Variants in C10orf67 observed in about 807,000 individuals in gnomAD.
C10orf67 encodes the protein chromosome 10 open reading frame 67, also known as uncharacterized protein C10orf67, mitochondrial.
C10orf67 carries 60 observed loss-of-function variants against 35.6 expected under a neutral mutation model. The ratio of observed to expected loss-of-function variants is 1.68; its 90% CI spans 1.37 to 2.09. The LOEUF (loss-of-function observed/expected upper bound fraction) is 2.09, where lower values mean the gene tolerates loss of function less well. Ranked by LOEUF, C10orf67 falls within the 30% of genes most tolerant of loss-of-function variation. The pLI, the probability that C10orf67 is intolerant of heterozygous loss-of-function variation, is 0.00. For synonymous variants in C10orf67, 167 were observed against 115.8 expected (o/e 1.44, Z -2.84); for missense variants, 474 against 330.2 (o/e 1.44, Z -3.38).
chr10:23,249,038 G>A (rs1842381672), intron 12 of C10orf67, among the ~76,000 whole-genome samples: 1 of 145,736 alleles, frequency 6.9e-6, no homozygotes, highest in Admixed American at 7.1e-5. Flanking sequence ...GCTGTGGCTG[G>A]AGAATCGCTT....
intron 10 of C10orf67, among the ~76,000 whole-genome samples, chr10:23,251,761 T>C (rs1050054773): frequency 7.9e-5 from 12 of 152,222 alleles, no homozygotes; most frequent in African/African-American, 1.2e-4. Context: ...TTTTCATCTT[T>C]TTTTCTTTTC....
rs547940537 is a variant in C10orf67 at position 23,331,117 on chromosome 10, G to T, written c.327+1945C>A. On this transcript the variant is annotated intron_variant, in intron 2 of 15. Transcript: ENST00000636213. ...GGGGAGGGGACTGGGACGGGAACCA[G>T]GACAGGAAGGGAGAGGAACCGAGAC... Among the ~76,000 whole-genome samples, 18 of 93,890 alleles carry T rather than the reference G, an allele frequency of 1.9e-4. 1 individual carries two copies. The highest frequency in any genetic ancestry group is 4.3e-4 in the Non-Finnish European group (17 of 39,930). The allele number at this position is 93,890 out of a possible 152,430, so 61.6% of individuals were successfully genotyped here.
At chr10:23,302,068 C>T (rs1362798099) in intron 5 of C10orf67, among the ~76,000 whole-genome samples, 2 of 152,106 alleles carry the variant, frequency 1.3e-5, no homozygotes, top group Non-Finnish European at 1.5e-5. Context: ...GTAACAAACA[C>T]GGACCAGAAG....
chr10:23,302,608 C>G (rs1844120352), intron 5 of C10orf67, among the ~76,000 whole-genome samples: 1 of 152,234 alleles, frequency 6.6e-6, no homozygotes, highest in African/African-American at 2.4e-5. Flanking sequence ...ATAAAATCCT[C>G]TCCAGCTCTG....
chr10:23,276,351 A>G (rs1315663998), intron 8 of C10orf67, among the ~76,000 whole-genome samples: 1 of 151,686 alleles, frequency 6.6e-6, no homozygotes, highest in Non-Finnish European at 1.5e-5. Context: ...GACCTGCAGG[A>G]CTCCTATTCA....
At chr10:23,334,679 G>A (rs371866546) in intron 1 of C10orf67, among the ~76,000 whole-genome samples, 6 of 152,354 alleles carry the variant, frequency 3.9e-5, no homozygotes, top group Admixed American at 6.5e-5. Flanking sequence ...GTCCAGGGAC[G>A]GGTGTAGAAC....
rs528945373 is a variant in C10orf67, at chr10:23,333,324, C to T, written c.207-142G>A. The T allele has an allele frequency of 4.5e-6, 3 of 667,570 alleles. No individual in the cohort carries two copies. The African/African-American group carries it at 5.5e-5, about 12-fold the overall frequency. The allele number at this position is 667,570 out of a possible 1,614,324, so 41.4% of individuals were successfully genotyped here. On this transcript the variant is annotated intron_variant, in intron 1 of 15. Transcript: ENST00000636213. The stretch of plus-strand genomic sequence containing the variant: ...TGAGGTGAGGAAGCCTCTGAATTAG[C>T]TCTTGTGATCTGGAGCTAATGAAGA...
intron 15 of C10orf67, among the ~76,000 whole-genome samples, chr10:23,205,870 T>G (rs1246496545): frequency 6.6e-6 from 1 of 152,130 alleles, no homozygotes; most frequent in Non-Finnish European, 1.5e-5. Context: ...GTAAGTCTCC[T>G]AAATAATAAA....
intron 5 of C10orf67, among the ~76,000 whole-genome samples, chr10:23,302,384 A>G (rs1227351947): frequency 6.6e-6 from 1 of 152,104 alleles, no homozygotes; most frequent in Non-Finnish European, 1.5e-5. Flanking sequence ...TACCATCTTT[A>G]CCATCTACTA....
At chr10:23,259,111 T>C (rs1366461285) in intron 10 of C10orf67, among the ~76,000 whole-genome samples, 1 of 152,198 alleles carries the variant, frequency 6.6e-6, no homozygotes, top group Non-Finnish European at 1.5e-5. Context: ...ATCAACAGCA[T>C]CCAGGAATTT....
intron 13 of C10orf67, among the ~76,000 whole-genome samples, chr10:23,232,127 G>T (rs1431722859): frequency 1.3e-5 from 2 of 152,064 alleles, no homozygotes; most frequent in East Asian, 3.9e-4. Flanking sequence ...TGGGAATGCG[G>T]GCATTCGTGT....
intron 4 of C10orf67, among the ~76,000 whole-genome samples, chr10:23,304,735 G>T (rs899472086): frequency 3.9e-5 from 6 of 152,216 alleles, no homozygotes; most frequent in African/African-American, 1.4e-4. Flanking sequence ...CAGTAACCCA[G>T]CAGGAACACT....
intron 12 of C10orf67, among the ~76,000 whole-genome samples, chr10:23,241,025 A>G (rs1408225297): frequency 6.6e-6 from 1 of 152,200 alleles, no homozygotes; most frequent in African/African-American, 2.4e-5. Flanking sequence ...ATGAAAGAAG[A>G]TATTTGACTC....
intron 2 of C10orf67, among the ~76,000 whole-genome samples, chr10:23,322,963 G>A (rs765748327): frequency 6.6e-6 from 1 of 152,088 alleles, no homozygotes. Context: ...TGGGTTCCTG[G>A]TCAGAGGTCT....
chr10:23,298,186 C>T (rs533650582), intron 5 of C10orf67, among the ~76,000 whole-genome samples: 289 of 152,152 alleles, frequency 1.9e-3, no homozygotes, highest in African/African-American at 6.4e-3. Context: ...ACCTGGGAGG[C>T]GGAGCTTGCA....
chr10:23,274,284 C>T (rs111297378), intron 8 of C10orf67, among the ~76,000 whole-genome samples: 16 of 152,194 alleles, frequency 1.1e-4, no homozygotes, highest in South Asian at 6.2e-4. Context: ...AAACAGCGTT[C>T]GGGAGCAGAC....
At position 23,283,190 on chromosome 10, in the gene C10orf67, C is replaced by T. The variant is rs141361129; in HGVS notation, c.910-1112G>A. 2.7e-3 allele frequency among the ~76,000 whole-genome samples: 409 copies of T among 152,196 alleles called. 2 individuals are homozygous for T. Among genetic ancestry groups the T allele is most frequent in the African/African-American group, 9.6e-3 (397 of 41,516 alleles). The stretch of plus-strand genomic sequence containing the variant: ...TCATATACTCTGTAAATATATACAC[C>T]TACTAGGTACCCACAAAAATTAAAA... On this transcript the variant is annotated intron_variant, in intron 7 of 15. Coordinates refer to ENST00000636213, the MANE Select transcript of C10orf67 (RefSeq NM_001371909.1).
intron 1 of C10orf67, among the ~76,000 whole-genome samples, chr10:23,342,533 G>A (rs1397742123): frequency 3.9e-5 from 6 of 152,078 alleles, no homozygotes; most frequent in African/African-American, 7.2e-5. Flanking sequence ...AAGAGCACCC[G>A]GCACCATCGG....
At chr10:23,233,479 C>G (rs1274419163) in intron 13 of C10orf67, among the ~76,000 whole-genome samples, 1 of 152,178 alleles carries the variant, frequency 6.6e-6, no homozygotes, top group Non-Finnish European at 1.5e-5. Flanking sequence ...ACTAAGAACT[C>G]AAGACCTGTG....
Sources: allele counts gnomAD v4.1 joint callset (sites outside exome capture counted in the v4.1 genomes callset), GRCh38; gene constraint gnomAD v4.1.1; transcripts MANE v1.5; gene names NCBI Gene and HGNC (gene_info 2026-07-23, HGNC 2026-07-21).